The following TPTE2 variants were observed in gnomAD, a reference collection of about 807,000 sequenced individuals.
The protein encoded by TPTE2 is phosphatidylinositol 3,4,5-trisphosphate 3-phosphatase TPTE2.
TPTE2 carries 53 observed loss-of-function variants against 78.6 expected under a neutral mutation model. The observed-to-expected ratio is 0.67, with a 90% CI of 0.54 to 0.85. TPTE2 has a LOEUF of 0.85. TPTE2 is among the 40% of genes least tolerant of loss of function. The pLI, the probability that TPTE2 is intolerant of heterozygous loss-of-function variation, is 0.00. For missense variants in TPTE2, 461 were observed against 623.0 expected, an observed-to-expected ratio of 0.74 and a Z score of 2.77; for synonymous variants, 175 against 206.2, an observed-to-expected ratio of 0.85 and a Z score of 1.30.
intron 1 of TPTE2, among the ~76,000 whole-genome samples, chr13:19,526,411 C>T (rs949275180): frequency 2.0e-5 from 3 of 152,044 alleles, no homozygotes; most frequent in Non-Finnish European, 2.9e-5. Flanking sequence ...GCCTAAAAGC[C>T]TGGAGGCCAT....
chr13:19,462,990 A>AT (rs563950394), intron 10 of TPTE2, among the ~76,000 whole-genome samples: 3,095 of 139,814 alleles, frequency 0.022, 32 homozygotes, highest in Non-Finnish European at 0.033. Flanking sequence ...TCTTGATTGT[A>AT]TTTTTTTTTT....
At chr13:19,537,672 G>T (rs1871290520), upstream of TPTE2, among the ~76,000 whole-genome samples, 1 of 150,794 alleles carries the variant, frequency 6.6e-6, no homozygotes, top group Non-Finnish European at 1.5e-5. Flanking sequence ...GTACTGTGTT[G>T]GCTCACTGCA....
intron 10 of TPTE2, among the ~76,000 whole-genome samples, chr13:19,457,627 G>A (rs1878623201): frequency 6.6e-6 from 1 of 152,054 alleles, no homozygotes; most frequent in African/African-American, 2.4e-5. Context: ...GCGATGTTTG[G>A]TTTTCTGTCC....
upstream of TPTE2, among the ~76,000 whole-genome samples, chr13:19,503,751 A>G (rs896088477): frequency 2.7e-4 from 41 of 152,150 alleles, no homozygotes; most frequent in Non-Finnish European, 2.9e-5. Context: ...GTACCACCCT[A>G]TATTGTGGCA....
At chr13:19,529,181 A>G (rs1294061499) in intron 1 of TPTE2, among the ~76,000 whole-genome samples, 1 of 152,192 alleles carries the variant, frequency 6.6e-6, no homozygotes, top group African/African-American at 2.4e-5. Flanking sequence ...GGCAACTGAT[A>G]GGCTCATTTA....
chr13:19,442,243 C>T (rs1358956581), intron 13 of TPTE2, among the ~76,000 whole-genome samples: 1 of 151,654 alleles, frequency 6.6e-6, no homozygotes, highest in Admixed American at 6.6e-5. Flanking sequence ...TGTTCTGTGT[C>T]CACAACAAAA....
At chr13:19,483,905 T>C (rs1880505283) in intron 3 of TPTE2, among the ~76,000 whole-genome samples, 1 of 151,944 alleles carries the variant, frequency 6.6e-6, no homozygotes, top group Admixed American at 6.6e-5. Context: ...ATTAGGTATA[T>C]CTTCTAATGC....
upstream of TPTE2, chr13:19,505,738 C>G (rs531633202): frequency 2.0e-5 from 3 of 152,172 alleles, no homozygotes; most frequent in East Asian, 1.9e-4. Context: ...CTTCACTCCT[C>G]CCTGTTACCT....
chr13:19,530,343 G>A (rs1455322202), intron 1 of TPTE2, among the ~76,000 whole-genome samples: 2 of 152,144 alleles, frequency 1.3e-5, no homozygotes, highest in East Asian at 1.9e-4. Flanking sequence ...CGAAGATGAC[G>A]GTAAGTACCC....
At chr13:19,482,144 C>T (rs1158903729) in intron 4 of TPTE2, among the ~76,000 whole-genome samples, 1 of 152,024 alleles carries the variant, frequency 6.6e-6, no homozygotes, top group East Asian at 1.9e-4. Flanking sequence ...GGGAATCACA[C>T]CATATCCAGT....
chr13:19,536,398 C>T (rs756956709), intron 1 of TPTE2, among the ~76,000 whole-genome samples: 9 of 152,078 alleles, frequency 5.9e-5, no homozygotes, highest in African/African-American at 1.7e-4. Context: ...CACCTGTGAA[C>T]CTGCCATCCA....
chr13:19,499,249 A>G (rs1881597086), intron 1 of TPTE2, among the ~76,000 whole-genome samples: 1 of 152,160 alleles, frequency 6.6e-6, no homozygotes, highest in Non-Finnish European at 1.5e-5. Context: ...ACGAGACAGA[A>G]AGTCAACAAC....
At chr13:19,502,924 C>G (rs1868717706) in intron 1 of TPTE2, among the ~76,000 whole-genome samples, 1 of 151,192 alleles carries the variant, frequency 6.6e-6, no homozygotes, top group African/African-American at 2.4e-5. Flanking sequence ...CCTCCTGTGA[C>G]CTGCTCCTTT....
intron 3 of TPTE2, among the ~76,000 whole-genome samples, chr13:19,489,091 G>A (rs1011522967): frequency 9.9e-5 from 15 of 152,066 alleles, no homozygotes; most frequent in African/African-American, 3.1e-4. Flanking sequence ...TGGAGCAGTC[G>A]GAACAAACAT....
At chr13:19,515,526 T>C (rs141814826) in intron 1 of TPTE2, among the ~76,000 whole-genome samples, 139 of 152,278 alleles carry the variant, frequency 9.1e-4, no homozygotes, top group African/African-American at 3.2e-3. Context: ...CCAAATCTCG[T>C]TAGCCTGGTC....
intron 1 of TPTE2, among the ~76,000 whole-genome samples, chr13:19,515,970 T>A (rs542472001): frequency 1.1e-4 from 16 of 152,346 alleles, no homozygotes; most frequent in African/African-American, 3.6e-4. Context: ...GAGTATTGCA[T>A]GAAGTCTGAA....
chr13:19,544,333 AAG>A, the TPTE2 span, among the ~76,000 whole-genome samples: 1 of 152,152 alleles, frequency 6.6e-6, no homozygotes, highest in Non-Finnish European at 1.5e-5. Context: ...ATATGAATAT[AAG>A]ATAACGTAGA....
chr13:19,505,266 G>A (rs1195806563), upstream of TPTE2, among the ~76,000 whole-genome samples: 1 of 152,010 alleles, frequency 6.6e-6, no homozygotes, highest in Non-Finnish European at 1.5e-5. Flanking sequence ...TCAGCCTCCT[G>A]AGTAGATGGG....
At chr13:19,504,722 C>A (rs1315273740), upstream of TPTE2, among the ~76,000 whole-genome samples, 1 of 152,076 alleles carries the variant, frequency 6.6e-6, no homozygotes, top group Admixed American at 6.6e-5. Context: ...AAGAGACCTG[C>A]AGGGCCTATA....
Sources: allele counts gnomAD v4.1 joint callset (sites outside exome capture counted in the v4.1 genomes callset), GRCh38; gene constraint gnomAD v4.1.1; transcripts MANE v1.5; gene names NCBI Gene and HGNC (gene_info 2026-07-23, HGNC 2026-07-21).